SHISA9: variants seen among roughly 807,000 people sequenced by gnomAD.
SHISA9 encodes shisa family member 9.
SHISA9 carries 13 observed loss-of-function variants against 38.0 expected under a neutral mutation model. The ratio of observed to expected loss-of-function variants is 0.34; its 90% CI spans 0.22 to 0.54. The LOEUF (loss-of-function observed/expected upper bound fraction) is 0.54, where lower values mean the gene tolerates loss of function less well. Ranked by LOEUF, SHISA9 falls within the 20% of genes least tolerant of loss-of-function variation. SHISA9 has a pLI of 0.91. For synonymous variants in SHISA9, 275 were observed against 242.0 expected, an observed-to-expected ratio of 1.14 and a Z score of -1.27; for missense variants, 538 against 575.8, an observed-to-expected ratio of 0.93 and a Z score of 0.67.
At chr16:13,367,588 C>T in the SHISA9 span, among the ~76,000 whole-genome samples, 1 of 149,812 alleles carries the variant, frequency 6.7e-6, no homozygotes, top group Non-Finnish European at 1.5e-5. Context: ...CTATTGAATT[C>T]TGCATCATTA....
the SHISA9 span, among the ~76,000 whole-genome samples, chr16:13,504,430 C>G: frequency 6.6e-6 from 1 of 152,260 alleles, no homozygotes; most frequent in Non-Finnish European, 1.5e-5. Flanking sequence ...CAGCATTGCT[C>G]AAGCTCCTGG....
At chr16:13,026,892 G>A (rs1026487576) in intron 2 of SHISA9, among the ~76,000 whole-genome samples, 2 of 152,166 alleles carry the variant, frequency 1.3e-5, no homozygotes, top group South Asian at 4.1e-4. Flanking sequence ...GACTTTGGCT[G>A]CGGGAAGGGA....
chr16:13,141,721 C>T (rs1205859779), intron 2 of SHISA9, among the ~76,000 whole-genome samples: 2 of 152,090 alleles, frequency 1.3e-5, no homozygotes, highest in Non-Finnish European at 2.9e-5. Flanking sequence ...TTTAGATTTA[C>T]AGAAAACTTG....
chr16:13,279,138 C>A, the SHISA9 span, among the ~76,000 whole-genome samples: 1 of 151,872 alleles, frequency 6.6e-6, no homozygotes, highest in Non-Finnish European at 1.5e-5. Flanking sequence ...ATCTGGATTT[C>A]GTTTTTGACC....
chr16:12,935,780 T>C (rs2071523033), intron 2 of SHISA9, among the ~76,000 whole-genome samples: 1 of 150,398 alleles, frequency 6.6e-6, no homozygotes, highest in Admixed American at 6.6e-5. Flanking sequence ...CCTGGGGAGG[T>C]TGAGGCTGCA....
rs2050782007 is a variant in SHISA9, at chr16:13,181,835, C to A, written c.692-21559C>A. Among the ~76,000 whole-genome samples the A allele has an allele frequency of 2.6e-5, 4 of 152,124 alleles. No homozygotes were observed. The South Asian group carries it at 8.3e-4, about 32-fold the overall frequency. ...TCTGAAGGTCACAACCTTTAAAATA[C>A]CCTTGAGATGTGTGTGTTGGGCAGG... On this transcript the variant is annotated intron_variant, in intron 2 of 4. Transcript: ENST00000558583.
intron 2 of SHISA9, among the ~76,000 whole-genome samples, chr16:12,945,535 ATTTC>A (rs1392526591): frequency 6.6e-6 from 1 of 152,190 alleles, no homozygotes; most frequent in Non-Finnish European, 1.5e-5. Flanking sequence ...ATTTTAATGC[ATTTC>A]TTTCTTGTTC....
At chr16:13,426,571 C>G in the SHISA9 span, among the ~76,000 whole-genome samples, 1 of 152,054 alleles carries the variant, frequency 6.6e-6, no homozygotes, top group Non-Finnish European at 1.5e-5. Context: ...TAGACCAAGG[C>G]CACTTAATAA....
At chr16:13,137,031 G>A (rs2050355725) in intron 2 of SHISA9, among the ~76,000 whole-genome samples, 1 of 152,156 alleles carries the variant, frequency 6.6e-6, no homozygotes, top group South Asian at 2.1e-4. Flanking sequence ...AGGAAGTGAT[G>A]ACACACATGA....
At chr16:13,169,375 A>G (rs1405592693) in intron 2 of SHISA9, among the ~76,000 whole-genome samples, 1 of 152,232 alleles carries the variant, frequency 6.6e-6, no homozygotes, top group East Asian at 1.9e-4. Context: ...TCAGAATGCC[A>G]GGAAAGTTAA....
chr16:13,286,112 C>A, the SHISA9 span, among the ~76,000 whole-genome samples: 1 of 152,118 alleles, frequency 6.6e-6, no homozygotes, highest in African/African-American at 2.4e-5. Flanking sequence ...CTCTAATCTG[C>A]CTATGAGCTG....
the SHISA9 span, among the ~76,000 whole-genome samples, chr16:13,289,885 C>T: frequency 6.6e-6 from 1 of 152,244 alleles, no homozygotes; most frequent in South Asian, 2.1e-4. Context: ...TTTATACTTT[C>T]TAATAATATT....
intron 2 of SHISA9, among the ~76,000 whole-genome samples, chr16:13,183,761 A>G (rs1157238535): frequency 6.6e-6 from 1 of 152,204 alleles, no homozygotes; most frequent in African/African-American, 2.4e-5. Context: ...ACTTACTTTA[A>G]GGTCCTGATC....
chr16:12,950,980 G>T (rs1285023094), intron 2 of SHISA9, among the ~76,000 whole-genome samples: 5 of 149,652 alleles, frequency 3.3e-5, no homozygotes, highest in African/African-American at 4.9e-5. Context: ...TCAGCACTTT[G>T]TGGGGACGAG....
chr16:13,323,470 C>T, the SHISA9 span, among the ~76,000 whole-genome samples: 444 of 152,252 alleles, frequency 2.9e-3, 6 homozygotes, highest in African/African-American at 0.01. Context: ...TATTTATATG[C>T]GATATAGTTT....
intron 2 of SHISA9, among the ~76,000 whole-genome samples, chr16:13,170,308 G>A (rs945718322): frequency 6.6e-6 from 1 of 152,084 alleles, no homozygotes; most frequent in Non-Finnish European, 1.5e-5. Context: ...GCCATATGCT[G>A]TGTGAGTGCC....
intron 2 of SHISA9, among the ~76,000 whole-genome samples, chr16:12,987,430 T>C (rs548300653): frequency 1.3e-5 from 2 of 152,216 alleles, no homozygotes; most frequent in East Asian, 3.9e-4. Context: ...ATGAATGAGA[T>C]CATGTCCTTT....
At chr16:13,247,294 G>C in the SHISA9 span, among the ~76,000 whole-genome samples, 1 of 152,062 alleles carries the variant, frequency 6.6e-6, no homozygotes, top group Non-Finnish European at 1.5e-5. Flanking sequence ...GATTAAATTT[G>C]GGTGGGGACA....
the SHISA9 span, among the ~76,000 whole-genome samples, chr16:13,318,507 G>C: frequency 6.6e-6 from 1 of 152,074 alleles, no homozygotes; most frequent in Non-Finnish European, 1.5e-5. Context: ...TGTGGTTTTA[G>C]TAGAGACAGA....
Sources: gnomAD v4.1 joint callset for allele counts (sites outside exome capture counted in the v4.1 genomes callset) on GRCh38, gnomAD v4.1.1 for gene constraint, MANE v1.5 for transcripts, NCBI Gene and HGNC (gene_info 2026-07-23, HGNC 2026-07-21) for gene names.